The following SNHG17 variants were observed in gnomAD, a reference collection of about 807,000 sequenced individuals.
The protein encoded by SNHG17 is small nucleolar RNA host gene 17, also known as small nucleolar RNA host gene 17 (non-protein coding).
intron 5 of SNHG17, among the ~76,000 whole-genome samples, chr20:38,423,363 CCT>C (rs1036926979): frequency 6.8e-6 from 1 of 146,132 alleles, no homozygotes; most frequent in Non-Finnish European, 1.5e-5. Flanking sequence ...TTCACTGCAA[CCT>C]CTGTCTCCTG....
intron 2 of SNHG17, chr20:38,434,038 G>A (rs778365444): frequency 4.3e-5 from 22 of 514,650 alleles, no homozygotes; most frequent in South Asian, 2.8e-4. Context: ...CGTGTTAGCT[G>A]CCAGATCTCC....
intron 5 of SNHG17, among the ~76,000 whole-genome samples, chr20:38,425,544 C>A (rs1040419411): frequency 8.5e-5 from 13 of 152,318 alleles, no homozygotes; most frequent in Admixed American, 8.5e-4. Context: ...AGCCAGATTG[C>A]TGGCTCCAGA....
chr20:38,432,826 G>A (rs997274007), intron 2 of SNHG17, among the ~76,000 whole-genome samples: 148 of 152,100 alleles, frequency 9.7e-4, no homozygotes, highest in African/African-American at 3.4e-3. Flanking sequence ...GCTAGTGTGT[G>A]TGTGTTGTAG....
At chr20:38,427,778 T>G (rs2084274426) in intron 3 of SNHG17, 1 of 164,040 alleles carries the variant, frequency 6.1e-6, no homozygotes, top group Non-Finnish European at 1.3e-5. Context: ...TAGTCAACAG[T>G]TTACTGATCA....
chr20:38,427,494 G>T (rs1600760604), intron 3 of SNHG17: 1 of 478,754 alleles, frequency 2.1e-6, no homozygotes, highest in African/African-American at 2.0e-5. Context: ...GCCAGGGCCT[G>T]TGGGATGACC....
At chr20:38,426,613 G>A (rs1170589703) in intron 3 of SNHG17, 1 of 151,002 alleles carries the variant, frequency 6.6e-6, no homozygotes, top group Non-Finnish European at 1.5e-5. Flanking sequence ...GCTAGACGGC[G>A]GCTGCATCAG....
chr20:38,425,266 G>T (rs1488210609), intron 5 of SNHG17: 1 of 519,180 alleles, frequency 1.9e-6, no homozygotes. Context: ...CGCTTTCATT[G>T]ATTCCTCTCC....
At chr20:38,431,563 C>G (rs2084342220) in intron 2 of SNHG17, among the ~76,000 whole-genome samples, 1 of 152,192 alleles carries the variant, frequency 6.6e-6, no homozygotes, top group African/African-American at 2.4e-5. Flanking sequence ...AAGGAAAGAC[C>G]CTCCAGATGA....
intron 3 of SNHG17, among the ~76,000 whole-genome samples, chr20:38,426,826 TTGGG>T (rs1331069608): frequency 6.6e-6 from 1 of 150,680 alleles, no homozygotes; most frequent in African/African-American, 2.4e-5. Flanking sequence ...GGCGAAACTC[TTGGG>T]TGGGAAGTGA....
chr20:38,431,557 A>G (rs145423084), intron 2 of SNHG17, among the ~76,000 whole-genome samples: 234 of 152,328 alleles, frequency 1.5e-3, no homozygotes, highest in Middle Eastern at 0.014. Context: ...GAAGTAAAGG[A>G]AAGACCCTCC....
chr20:38,422,655 T>G (rs768678406), intron 5 of SNHG17, among the ~76,000 whole-genome samples: 28 of 152,014 alleles, frequency 1.8e-4, no homozygotes, highest in Admixed American at 2.6e-4. Context: ...ACATCTGCAC[T>G]CCAATATTCA....
At chr20:38,430,624 A>AAAATAAAT (rs201008178) in intron 3 of SNHG17, among the ~76,000 whole-genome samples, 1 of 152,104 alleles carries the variant, frequency 6.6e-6, no homozygotes, top group East Asian at 1.9e-4. Flanking sequence ...TCTGTCTCAA[A>AAAATAAAT]AAATAAATAA....
chr20:38,425,773 C>T (rs998271518), intron 5 of SNHG17, among the ~76,000 whole-genome samples: 5 of 152,150 alleles, frequency 3.3e-5, no homozygotes, highest in African/African-American at 1.2e-4. Flanking sequence ...ACTATCCACA[C>T]GTCGGCCAGG....
chr20:38,426,586 C>T (rs191471926), intron 3 of SNHG17: 2 of 148,792 alleles, frequency 1.3e-5, no homozygotes, highest in East Asian at 4.1e-4. Context: ...AGCGACCTCT[C>T]AATCGGGGTG....
chr20:38,421,298 G>A (rs1304670691), intron 6 of SNHG17: 2 of 152,094 alleles, frequency 1.3e-5, no homozygotes, highest in Non-Finnish European at 2.9e-5. Context: ...GTTCACAATC[G>A]GGGCAAATGA....
chr20:38,433,758 G>C (rs2122733814), intron 2 of SNHG17: 1 of 511,886 alleles, frequency 2.0e-6, no homozygotes, highest in South Asian at 1.4e-5. Context: ...ACCCCTCATA[G>C]ACCCTGGTGA....
At chr20:38,427,409 C>T (rs2084268673) in intron 3 of SNHG17, 1 of 518,398 alleles carries the variant, frequency 1.9e-6, no homozygotes, top group African/African-American at 1.9e-5. Context: ...ATGACCTAGG[C>T]ACAGGCAGCC....
intron 3 of SNHG17, chr20:38,427,240 C>T (rs1025098552): frequency 1.4e-5 from 6 of 417,342 alleles, no homozygotes; most frequent in African/African-American, 1.2e-4. Flanking sequence ...TGCCCCCCCG[C>T]ACTGACTTTC....
At chr20:38,426,652 C>T (rs901798102) in intron 3 of SNHG17, 4 of 151,072 alleles carry the variant, frequency 2.6e-5, no homozygotes, top group African/African-American at 7.3e-5. Context: ...CCCTCTCTAG[C>T]TTTATTCCTG....
Sources: allele counts gnomAD v4.1 joint callset (sites outside exome capture counted in the v4.1 genomes callset), GRCh38; gene constraint gnomAD v4.1.1; transcripts MANE v1.5; gene names NCBI Gene and HGNC (gene_info 2026-07-23, HGNC 2026-07-21).